Variants in WWP2 observed in about 807,000 individuals in gnomAD.
WWP2 encodes WW domain containing E3 ubiquitin protein ligase 2.
In WWP2, 57 loss-of-function variants were observed where a neutral mutation model predicts 121.0. That is an observed-to-expected ratio of 0.47 (90% CI 0.38 to 0.59). The LOEUF is 0.59. Ranked by LOEUF, WWP2 falls within the 20% of genes least tolerant of loss-of-function variation. The pLI, the probability that WWP2 is intolerant of heterozygous loss-of-function variation, is 0.00. For missense variants in WWP2, 962 were observed against 1,158.9 expected, an observed-to-expected ratio of 0.83 and a Z score of 2.47; for synonymous variants, 449 against 441.3, an observed-to-expected ratio of 1.02 and a Z score of -0.22.
intron 18 of WWP2, 125 bp from the exon 19 acceptor site, chr16:69,936,186 TC>T: frequency 6.8e-7 from 1 of 1,474,894 alleles, no homozygotes; most frequent in Non-Finnish European, 9.2e-7. Context: ...CAAGGAGCTG[TC>T]CCCTGTCACT....
intron 1 of WWP2, chr16:69,775,039 C>T (rs2055495649): frequency 6.6e-6 from 1 of 151,128 alleles, no homozygotes; most frequent in Non-Finnish European, 1.5e-5. Flanking sequence ...ATTTACGTGA[C>T]TAAGACCTGG....
chr16:69,864,944 A>C (rs2057492623), intron 6 of WWP2, among the ~76,000 whole-genome samples: 1 of 151,746 alleles, frequency 6.6e-6, no homozygotes, highest in Non-Finnish European at 1.5e-5. Context: ...TAGATATGTA[A>C]TGATATCTCA....
At chr16:69,843,273 T>C (rs760779727) in intron 6 of WWP2, among the ~76,000 whole-genome samples, 2 of 152,060 alleles carry the variant, frequency 1.3e-5, no homozygotes, top group African/African-American at 2.4e-5. Context: ...CCAAATATTA[T>C]ACTTGTTATA....
At position 69,816,012 on chromosome 16, in the gene WWP2, T is replaced by G. The variant is rs180822004; in HGVS notation, c.340+16717T>G. Among the ~76,000 whole-genome samples, 28 of 152,250 alleles carry G rather than the reference T, an allele frequency of 1.8e-4. No individual in the cohort carries two copies. The East Asian group carries it at 5.4e-3, about 29-fold the overall frequency. ...AAATTGGATAAATTACTCACCATTC[T>G]TCAGCTGAGGAGGCAGCAAGGGACA... On this transcript the variant is annotated intron_variant, in intron 4 of 23. Transcript: ENST00000359154.
At chr16:69,860,979 C>T (rs557579176) in intron 6 of WWP2, among the ~76,000 whole-genome samples, 1 of 152,290 alleles carries the variant, frequency 6.6e-6, no homozygotes, top group South Asian at 2.1e-4. Context: ...GGGAATGATG[C>T]CAGTAGCGAG....
intron 6 of WWP2, among the ~76,000 whole-genome samples, chr16:69,849,858 T>TA (rs2057168481): frequency 6.6e-6 from 1 of 151,694 alleles, no homozygotes; most frequent in Non-Finnish European, 1.5e-5. Context: ...TACATTGGTT[T>TA]ATTTTGCATC....
intron 14 of WWP2, 54 bp downstream of exon 14, chr16:69,931,281 G>A: frequency 8.1e-6 from 13 of 1,601,492 alleles, no homozygotes; most frequent in Non-Finnish European, 1.1e-5. Flanking sequence ...AGTTATTTCA[G>A]TGTGAGTTCC....
intron 6 of WWP2, among the ~76,000 whole-genome samples, chr16:69,854,463 G>T (rs1002974038): frequency 1.2e-4 from 18 of 152,220 alleles, no homozygotes; most frequent in African/African-American, 4.3e-4. Context: ...TTTAGTGACT[G>T]CCTTTCTGGT....
chr16:69,910,924 G>A (rs758827561), intron 9 of WWP2, among the ~76,000 whole-genome samples: 5 of 152,168 alleles, frequency 3.3e-5, no homozygotes, highest in South Asian at 2.1e-4. Context: ...TCACCTGTAC[G>A]CCCTGCATAG....
At chr16:69,844,533 A>C (rs539736625) in intron 6 of WWP2, among the ~76,000 whole-genome samples, 8 of 152,238 alleles carry the variant, frequency 5.3e-5, no homozygotes, top group African/African-American at 1.7e-4. Flanking sequence ...TAAATTCTTG[A>C]CCTATTTACT....
At chr16:69,789,099 C>G (rs1446321792) in intron 2 of WWP2, among the ~76,000 whole-genome samples, 10 of 151,752 alleles carry the variant, frequency 6.6e-5, no homozygotes, top group Non-Finnish European at 8.8e-5. Context: ...GCTCTGTCGC[C>G]CAGGCTGGAC....
chr16:69,817,818 T>A (rs763563273), intron 4 of WWP2, among the ~76,000 whole-genome samples: 1 of 151,826 alleles, frequency 6.6e-6, no homozygotes, highest in Non-Finnish European at 1.5e-5. Flanking sequence ...GTCACCATGC[T>A]TGGCTAATTT....
chr16:69,873,918 T>A (rs2057688893), intron 7 of WWP2, among the ~76,000 whole-genome samples: 1 of 152,216 alleles, frequency 6.6e-6, no homozygotes, highest in Non-Finnish European at 1.5e-5. Context: ...ATATTTCCCC[T>A]ACATTTATTT....
At chr16:69,861,366 G>A (rs1010609874) in intron 6 of WWP2, among the ~76,000 whole-genome samples, 14 of 152,182 alleles carry the variant, frequency 9.2e-5, no homozygotes, top group Admixed American at 5.9e-4. Context: ...CTCTCTCAAG[G>A]TGAGTTTTTT....
chr16:69,915,906 G>A (rs1329977485), intron 9 of WWP2, among the ~76,000 whole-genome samples: 2 of 151,874 alleles, frequency 1.3e-5, no homozygotes, highest in Non-Finnish European at 2.9e-5. Flanking sequence ...GAATGTGATG[G>A]TGCATTCCTG....
At chr16:69,864,268 T>G (rs935699698) in intron 6 of WWP2, among the ~76,000 whole-genome samples, 6 of 151,842 alleles carry the variant, frequency 4.0e-5, no homozygotes, top group Non-Finnish European at 2.9e-5. Context: ...CTTGGGAGGT[T>G]GGGGTGGGAG....
chr16:69,771,523 A>C (rs2055415501), intron 1 of WWP2, among the ~76,000 whole-genome samples: 1 of 152,210 alleles, frequency 6.6e-6, no homozygotes, highest in Non-Finnish European at 1.5e-5. Flanking sequence ...CTGGGATTAT[A>C]GGCATGAGGC....
chr16:69,828,034 T>TG (rs1425816411), intron 4 of WWP2: 3 of 400,834 alleles, frequency 7.5e-6, no homozygotes, highest in Admixed American at 6.4e-5. Context: ...GTGACTGTAA[T>TG]GGGTAACTGG....
At chr16:69,804,985 A>T (rs1052632330) in intron 4 of WWP2, among the ~76,000 whole-genome samples, 33 of 150,670 alleles carry the variant, frequency 2.2e-4, no homozygotes, top group Non-Finnish European at 5.9e-5. Flanking sequence ...GTAATCTGTC[A>T]GTTTACTGAG....
Sources: gnomAD v4.1 joint callset for allele counts (sites outside exome capture counted in the v4.1 genomes callset) on GRCh38, gnomAD v4.1.1 for gene constraint, MANE v1.5 for transcripts, NCBI Gene and HGNC (gene_info 2026-07-23, HGNC 2026-07-21) for gene names.